GOT1L1: variants seen among roughly 807,000 people sequenced by gnomAD.
The protein encoded by GOT1L1 is glutamic-oxaloacetic transaminase 1 like 1, also known as aspartate aminotransferase, cytoplasmic 2.
In GOT1L1, 38 loss-of-function variants were observed where a neutral mutation model predicts 43.6. The ratio of observed to expected loss-of-function variants is 0.87; its 90% CI spans 0.67 to 1.14. The LOEUF is 1.14. Among genes scored for constraint, GOT1L1 ranks in the 50% most tolerant of loss-of-function variants. The probability of loss-of-function intolerance (pLI) is 0.00; values close to 1 mark genes in which losing one functional copy is unlikely to be tolerated. For synonymous variants in GOT1L1, 183 were observed against 187.2 expected, an observed-to-expected ratio of 0.98 and a Z score of 0.18; for missense variants, 482 against 504.0, an observed-to-expected ratio of 0.96 and a Z score of 0.42.
intron 6 of GOT1L1, 147 bp from the exon 7 acceptor site, chr8:37,936,016 G>C: frequency 2.4e-6 from 2 of 825,880 alleles, no homozygotes; most frequent in Non-Finnish European, 3.6e-6. Flanking sequence ...TTCAGGCTCC[G>C]GGAAGTTGCC....
At chr8:37,937,544 G>A (rs1807796301) in intron 3 of GOT1L1, 94 bp downstream of exon 3, 1 of 1,087,536 alleles carries the variant, frequency 9.2e-7, no homozygotes, top group African/African-American at 1.6e-5. Flanking sequence ...GCTCATGACA[G>A]AGAATGAGGG....
intron 6 of GOT1L1, among the ~76,000 whole-genome samples, chr8:37,936,337 C>T (rs911483114): frequency 2.0e-5 from 3 of 151,300 alleles, no homozygotes; most frequent in African/African-American, 7.3e-5. Context: ...TTGTAGAGAC[C>T]GGGTCTCGGT....
Position 37,939,866 on chromosome 8 carries a change from G to A in GOT1L1, c.115+49C>T, listed in dbSNP as rs113334253. The A allele has an allele frequency of 1.9e-6, 3 of 1,565,672 alleles. No individual in the cohort carries two copies. In the South Asian group the frequency reaches 3.5e-5, roughly 18 times the overall value. On this transcript the variant is annotated intron_variant, in intron 1 of 8. Transcript: ENST00000307599. ...AGCAGGGAACACTGTCCTCCTAGAG[G>A]CAGTTACCATCACTTAAGTCTTATA...
intron 6 of GOT1L1, 33 bp from the exon 7 acceptor site, chr8:37,935,902 C>T (rs1249762251): frequency 6.3e-7 from 1 of 1,598,460 alleles, no homozygotes; most frequent in Non-Finnish European, 8.5e-7. Context: ...TCAGCCTCAG[C>T]CCCTTCCTCC....
chr8:37,938,535 C>T (rs972615589), intron 2 of GOT1L1, among the ~76,000 whole-genome samples, 165 bp downstream of exon 2: 16 of 152,208 alleles, frequency 1.1e-4, no homozygotes, highest in Non-Finnish European at 2.1e-4. Context: ...ACTGAGATTC[C>T]GATCCTGACT....
intron 7 of GOT1L1, 37 bp from the exon 8 acceptor site, chr8:37,935,252 GT>G: frequency 6.5e-7 from 1 of 1,547,960 alleles, no homozygotes; most frequent in Non-Finnish European, 8.7e-7. Flanking sequence ...AGGGTGTGAG[GT>G]CCCCCTTGCC....
intron 2 of GOT1L1, among the ~76,000 whole-genome samples, 156 bp from the exon 3 acceptor site, chr8:37,937,905 G>C (rs905455135): frequency 1.3e-5 from 2 of 152,054 alleles, no homozygotes; most frequent in African/African-American, 2.4e-5. Context: ...GCCGGATGTG[G>C]TGTTGGGCAT....
intron 2 of GOT1L1, among the ~76,000 whole-genome samples, chr8:37,938,431 G>T (rs1807824013): frequency 6.6e-6 from 1 of 152,082 alleles, no homozygotes; most frequent in African/African-American, 2.4e-5. Context: ...AAATAAAACA[G>T]TAATGGGAAT....
intron 4 of GOT1L1, 91 bp downstream of exon 4, chr8:37,937,186 G>C (rs1807783630): frequency 8.3e-7 from 1 of 1,210,618 alleles, no homozygotes; most frequent in Non-Finnish European, 1.2e-6. Context: ...ACCTGGAAAA[G>C]GTCTTGGATG....
intron 1 of GOT1L1, 145 bp from the exon 2 acceptor site, chr8:37,939,026 T>C: frequency 1.5e-6 from 1 of 684,042 alleles, no homozygotes; most frequent in Non-Finnish European, 2.6e-6. Context: ...TCCCTTTTCT[T>C]TTCTCCTTGA....
Position 37,938,692 on chromosome 8 carries a change from C to A in GOT1L1, c.297+8G>T. 2 of 1,566,004 alleles carry A rather than the reference C, an allele frequency of 1.3e-6. No homozygotes were observed. The highest frequency in any genetic ancestry group is 1.2e-5 in the South Asian group (1 of 85,274). On this transcript the variant is annotated splice_region_variant and intron_variant, in intron 2 of 8. Transcript: ENST00000307599. Reference sequence around the variant, plus strand: ...CTAAATGAGCCAGGGGAGGGCCCACCTTCTCACCCTGTTCTCCACAATGGC... The same window carrying A: ...CTAAATGAGCCAGGGGAGGGCCCACATTCTCACCCTGTTCTCCACAATGGC...
Position 37,935,235 on chromosome 8 carries a change from A to C in GOT1L1, c.930-20T>G. 2 of 1,571,984 alleles carry C rather than the reference A, an allele frequency of 1.3e-6. No homozygotes were observed. The highest frequency in any genetic ancestry group is 1.7e-6 in the Non-Finnish European group (2 of 1,157,888). On this transcript the variant is annotated intron_variant, in intron 7 of 8. Coordinates refer to ENST00000307599, the MANE Select transcript of GOT1L1 (RefSeq NM_152413.3). ...TGCTTCCTACCAAGGAAGGACAATG[A>C]GAAAGGAGGGTGTGAGGTCCCCCTT...
intron 2 of GOT1L1, 25 bp downstream of exon 2, chr8:37,938,675 G>A: frequency 6.5e-7 from 1 of 1,545,244 alleles, no homozygotes. Flanking sequence ...GTCTAAATGA[G>A]CCAGGGGAGG....
In GOT1L1 at chr8:37,937,685, G is replaced by A; in HGVS notation, c.362C>T (p.Ala121Val). Residue 121 changes from alanine to valine, a missense_variant, in exon 3 of 9, where the codon GCT becomes GTT. Physicochemically the swap from Ala to Val is moderately conservative, Grantham distance 64. Coordinates refer to ENST00000307599, the MANE Select transcript of GOT1L1 (RefSeq NM_152413.3). ...AACTATACGAGCATCCTTATGCCAA[G>A]CTCTGAGAAACTGGACGCCAAGCTG... ...AFQLGVQFLRAWHKDARIVYI... is the reference protein window; with the variant it reads ...AFQLGVQFLRVWHKDARIVYI... 6.2e-7 allele frequency: 1 copy of A among 1,613,246 alleles called. No homozygotes were observed. Among genetic ancestry groups the A allele is most frequent in the Non-Finnish European group, 8.5e-7 (1 of 1,179,570 alleles).
rs1483082380 is a variant in GOT1L1 at position 37,935,061 on chromosome 8, CT to C, written c.1072+11del. ...GTCAGAAAGGGGGGACACCAGCCCCCTAGACCCTTACAGTTGAGTCCAAGAT... is the reference window on the plus strand; with the variant it reads ...GTCAGAAAGGGGGGACACCAGCCCCCAGACCCTTACAGTTGAGTCCAAGAT... On this transcript the variant is annotated intron_variant, in intron 8 of 8. Transcript: ENST00000307599. 1.2e-6 allele frequency: 2 copies of C among 1,613,834 alleles called. No individual in the cohort carries two copies. The highest frequency in any genetic ancestry group is 3.3e-5 in the Admixed American group (2 of 60,026).
Position 37,935,104 on chromosome 8 carries a change from C to G in GOT1L1, c.1041G>C (p.Gln347His), listed in dbSNP as rs761106209. Residue 347 changes from glutamine (Q) to histidine (H), a missense_variant, in exon 8 of 9, where the codon CAG (glutamine) becomes CAC (histidine). Gln to His is a conservative substitution (Grantham distance 24). Coordinates refer to ENST00000307599, the MANE Select transcript of GOT1L1 (RefSeq NM_152413.3). The part of the protein sequence containing the change: ...TPGSWGHITE[Q>H]SGTHGYLGLN... ...GTCCAAGATAGCCGTGGGTCCCACT[C>G]TGCTCGGTGATGTGACCCCAGGACC... 5.0e-6 allele frequency: 8 copies of G among 1,613,808 alleles called. No homozygotes were observed. Among genetic ancestry groups the G allele is most frequent in the African/African-American group, 2.7e-5 (2 of 74,920 alleles).
Position 37,938,754 on chromosome 8 carries a change from C to T in GOT1L1, c.243G>A (p.Gln81=), listed in dbSNP as rs1176186926. Reference sequence around the variant, plus strand: ...TTCCAAAGAGGAGTGCTAGAGAGGCCTGGATGAATGATTTCAGGCCCATGG... The same window carrying T: ...TTCCAAAGAGGAGTGCTAGAGAGGCTTGGATGAATGATTTCAGGCCCATGG... ...LPTMGLKSFI[Q]ASLALLFGKH... Residue 81 remains glutamine, a synonymous_variant, in exon 2 of 9, where the codon CAG becomes CAA. Transcript: ENST00000307599. 2 of 1,607,974 alleles carry T rather than the reference C, an allele frequency of 1.2e-6. No individual in the cohort carries two copies. The highest frequency in any genetic ancestry group is 8.5e-7 in the Non-Finnish European group (1 of 1,177,382).
Position 37,937,366 on chromosome 8 carries a change from G to A in GOT1L1, c.430C>T (p.Gln144Ter), listed in dbSNP as rs1807789974. The part of the protein sequence containing the change: ...SQKELHGLVF[Q>*]DMGFTVYEYS... ...TCATAAACTGTAAAGCCCATGTCCTGGAAGACGAGTCCATGCAGTTCTGTG... is the reference window on the plus strand; with the variant it reads ...TCATAAACTGTAAAGCCCATGTCCTAGAAGACGAGTCCATGCAGTTCTGTG... The change falls in exon 4 of 9, where the codon CAG (glutamine) becomes TAG (stop). Residue 144 changes from glutamine (Q) to a stop codon, truncating the protein, a stop_gained. Coordinates refer to ENST00000307599, the MANE Select transcript of GOT1L1 (RefSeq NM_152413.3). LOFTEE classifies it high-confidence loss of function. 2.5e-6 allele frequency: 4 copies of A among 1,603,838 alleles called. No homozygotes were observed. The highest frequency in any genetic ancestry group is 3.4e-6 in the Non-Finnish European group (4 of 1,175,944).
At chr8:37,939,001 G>T (rs1381982177) in intron 1 of GOT1L1, 120 bp from the exon 2 acceptor site, 1 of 801,154 alleles carries the variant, frequency 1.2e-6, no homozygotes, top group African/African-American at 1.7e-5. Context: ...GAAGGTGCCT[G>T]TGAAAATACA....
Sources: gnomAD v4.1 joint callset for allele counts (sites outside exome capture counted in the v4.1 genomes callset) on GRCh38, gnomAD v4.1.1 for gene constraint, MANE v1.5 for transcripts, NCBI Gene and HGNC (gene_info 2026-07-23, HGNC 2026-07-21) for gene names.